MCPH1: variants seen among roughly 807,000 people sequenced by gnomAD.
MCPH1 encodes microcephalin.
MCPH1 carries 104 observed loss-of-function variants against 84.5 expected under a neutral mutation model. That is an observed-to-expected ratio of 1.23 (90% CI 1.05 to 1.45). The LOEUF (loss-of-function observed/expected upper bound fraction) is 1.45. Among genes scored for constraint, MCPH1 ranks in the 40% most tolerant of loss-of-function variants. MCPH1 has a pLI of 0.00. For synonymous variants in MCPH1, 514 were observed against 366.8 expected, an observed-to-expected ratio of 1.40 and a Z score of -4.58; for missense variants, 1,498 against 1,005.7, an observed-to-expected ratio of 1.49 and a Z score of -6.62.
At chr8:6,477,308 G>T (rs1318038421) in intron 9 of MCPH1, 1 of 403,306 alleles carries the variant, frequency 2.5e-6, no homozygotes, top group Non-Finnish European at 4.5e-6. Flanking sequence ...ACACTTGGAG[G>T]TCTGCTGGCT....
intron 3 of MCPH1, among the ~76,000 whole-genome samples, chr8:6,422,182 G>C (rs956866307): frequency 2.6e-5 from 4 of 152,168 alleles, no homozygotes; most frequent in Non-Finnish European, 5.9e-5. Context: ...GCAGCTACCT[G>C]TCTGTCTTAT....
At chr8:6,600,769 A>C (rs1410929683) in intron 12 of MCPH1, among the ~76,000 whole-genome samples, 3 of 152,218 alleles carry the variant, frequency 2.0e-5, no homozygotes, top group African/African-American at 7.2e-5. Flanking sequence ...TGAGCAACGC[A>C]GGAGGCACAC....
intron 3 of MCPH1, among the ~76,000 whole-genome samples, chr8:6,422,012 C>G (rs1317933066): frequency 6.6e-6 from 1 of 152,244 alleles, no homozygotes; most frequent in Non-Finnish European, 1.5e-5. Context: ...AGAGCTTCCT[C>G]TGTCCCCAGT....
In MCPH1 at chr8:6,499,832, G is replaced by C. The variant is rs1203860412; in HGVS notation, c.2137-20G>C. ...AGGCTAATAAATGTATAATAAATCT[G>C]CTTGTTGTGTCACTTGCAGGTGCTA... On this transcript the variant is annotated intron_variant, in intron 11 of 13. Coordinates refer to ENST00000344683, the MANE Select transcript of MCPH1 (RefSeq NM_024596.5). The C allele has an allele frequency of 6.2e-7, 1 of 1,610,334 alleles. No individual in the cohort carries two copies. The highest frequency in any genetic ancestry group is 1.7e-5 in the Admixed American group (1 of 60,024).
At chr8:6,608,693 A>C (rs1586783277) in intron 12 of MCPH1, among the ~76,000 whole-genome samples, 1 of 152,272 alleles carries the variant, frequency 6.6e-6, no homozygotes, top group East Asian at 1.9e-4. Flanking sequence ...CGTATACTTC[A>C]ATCAGAATGC....
At chr8:6,459,771 C>G (rs1166694116) in intron 9 of MCPH1, among the ~76,000 whole-genome samples, 2 of 152,190 alleles carry the variant, frequency 1.3e-5, no homozygotes, top group African/African-American at 4.8e-5. Flanking sequence ...CAGGTAATGT[C>G]CTATCTGGGC....
chr8:6,513,742 C>T, intron 12 of MCPH1: 1 of 1,614,008 alleles, frequency 6.2e-7, no homozygotes. Context: ...TCATTCCCTT[C>T]CCAGTCTTTA....
At chr8:6,633,213 TA>T (rs11313056) in intron 13 of MCPH1, among the ~76,000 whole-genome samples, 78,223 of 151,568 alleles carry the variant, frequency 0.52, 20,724 homozygotes, top group East Asian at 0.73. Context: ...GGGAATAAAA[TA>T]AAAAAAAATT....
chr8:6,478,529 T>C (rs1282369233), intron 10 of MCPH1, among the ~76,000 whole-genome samples: 1 of 152,198 alleles, frequency 6.6e-6, no homozygotes, highest in African/African-American at 2.4e-5. Flanking sequence ...AAACTTTTCA[T>C]TTAGGCCGTC....
intron 12 of MCPH1, among the ~76,000 whole-genome samples, chr8:6,537,279 T>A (rs1820672265): frequency 1.3e-5 from 2 of 152,156 alleles, no homozygotes; most frequent in South Asian, 4.1e-4. Context: ...GCTGTATATG[T>A]GTGCGAGGAC....
chr8:6,621,135 T>G, intron 12 of MCPH1: 1 of 396,632 alleles, frequency 2.5e-6, no homozygotes, highest in Non-Finnish European at 4.7e-6. Context: ...GAGTTCAGCC[T>G]AGCTATGGCT....
At chr8:6,562,574 T>TTTTTTAAAAA in intron 12 of MCPH1, 1 of 583,796 alleles carries the variant, frequency 1.7e-6, no homozygotes, top group Non-Finnish European at 2.6e-6. Flanking sequence ...TTTTTTTTGG[T>TTTTTTAAAAA]TGTTAAAACC....
At chr8:6,624,137 G>A (rs1002284331) in intron 13 of MCPH1, among the ~76,000 whole-genome samples, 6 of 152,202 alleles carry the variant, frequency 3.9e-5, no homozygotes, top group African/African-American at 9.7e-5. Flanking sequence ...TCTCCCGCCC[G>A]TGGGTTTTCA....
intron 13 of MCPH1, among the ~76,000 whole-genome samples, chr8:6,642,097 C>T (rs1277443424): frequency 2.0e-5 from 3 of 152,088 alleles, no homozygotes; most frequent in African/African-American, 7.2e-5. Context: ...ACCATACCAC[C>T]AGGATAGCTT....
At chr8:6,542,215 T>C (rs1821722091) in intron 12 of MCPH1, among the ~76,000 whole-genome samples, 3 of 152,206 alleles carry the variant, frequency 2.0e-5, no homozygotes, top group South Asian at 4.1e-4. Flanking sequence ...TCAGTGTTTT[T>C]CTATGCCAAA....
At chr8:6,407,696 T>G (rs1797939078) in intron 1 of MCPH1, among the ~76,000 whole-genome samples, 1 of 152,228 alleles carries the variant, frequency 6.6e-6, no homozygotes, top group African/African-American at 2.4e-5. Context: ...TGGTTTTCTT[T>G]TAGCGTTACC....
At chr8:6,434,998 G>A (rs190571442) in intron 4 of MCPH1, among the ~76,000 whole-genome samples, 6 of 152,296 alleles carry the variant, frequency 3.9e-5, no homozygotes, top group Admixed American at 2.6e-4. Context: ...GGCTGGGAAC[G>A]TGAGGTGTGT....
At chr8:6,446,241 C>A (rs1037543751) in intron 8 of MCPH1, 9 of 964,684 alleles carry the variant, frequency 9.3e-6, no homozygotes, top group Non-Finnish European at 9.9e-6. Context: ...TTGCACTTCA[C>A]AGTTATAAGC....
rs60113233 is a variant in MCPH1, at chr8:6,529,795, C to A, written c.2214+29866C>A. On this transcript the variant is annotated intron_variant, in intron 12 of 13. Transcript: ENST00000344683. ...AGCCATTTTCATGTGTTTAATTGGG[C>A]TTCACATGGAAAAACTGCTTACTTT... is the stretch of plus-strand genomic sequence containing the variant. 4.8e-3 allele frequency among the ~76,000 whole-genome samples: 725 copies of A among 151,654 alleles called. 8 individuals are homozygous for A. The highest frequency in any genetic ancestry group is 0.015 in the African/African-American group (637 of 41,408).
Sources: allele counts gnomAD v4.1 joint callset (sites outside exome capture counted in the v4.1 genomes callset), GRCh38; gene constraint gnomAD v4.1.1; transcripts MANE v1.5; gene names NCBI Gene and HGNC (gene_info 2026-07-23, HGNC 2026-07-21).